HHATL: variants seen among roughly 807,000 people sequenced by gnomAD.
HHATL encodes the protein hedgehog acyltransferase like.
HHATL carries 49 observed loss-of-function variants against 59.7 expected under a neutral mutation model. That is an observed-to-expected ratio of 0.82 (90% confidence interval 0.65 to 1.04). HHATL has a LOEUF of 1.04. Among genes scored for constraint, HHATL ranks in the 50% least tolerant of loss-of-function variants. HHATL has a pLI of 0.00. For synonymous variants in HHATL, 238 were observed against 257.3 expected, an observed-to-expected ratio of 0.93 and a Z score of 0.72; for missense variants, 605 against 650.8, an observed-to-expected ratio of 0.93 and a Z score of 0.77.
At chr3:42,698,633 G>A (rs1697763792) in intron 5 of HHATL, 75 bp downstream of exon 5, 2 of 1,467,916 alleles carry the variant, frequency 1.4e-6, no homozygotes, top group Admixed American at 2.3e-5. Context: ...GGATACTTGG[G>A]GTGCAAGGAC....
Position 42,700,624 on chromosome 3 carries a change from G to A in HHATL, c.106+97C>T, listed in dbSNP as rs1697922461. The stretch of plus-strand genomic sequence containing the variant: ...CCGTGTTCTAGAAGGAGTACCCTAG[G>A]TCTGGAGCCTGTAACTTTCTGGCTT... On this transcript the variant is annotated intron_variant, in intron 2 of 11. Transcript: ENST00000441594. 95 of 737,604 alleles carry A rather than the reference G, an allele frequency of 1.3e-4. 2 individuals are homozygous for A. The South Asian group carries it at 1.6e-3, about 12-fold the overall frequency. The allele number at this position is 737,604 out of a possible 1,614,324, so 45.7% of individuals were successfully genotyped here.
rs138298339 is a variant in HHATL at position 42,700,876 on chromosome 3, C to T, written c.-13-37G>A. ...GGTTGGGTGAGGGAATTACAGTCTC[C>T]AGCCAAGCCTAGCCCCACCTCATGG... On this transcript the variant is annotated intron_variant, in intron 1 of 11. Transcript: ENST00000441594. The T allele has an allele frequency of 5.8e-4, 843 of 1,447,620 alleles. 12 individuals carry two copies. In the East Asian group the frequency reaches 0.016, roughly 27 times the overall value. The allele number at this position is 1,447,620 out of a possible 1,614,324, so 89.7% of individuals were successfully genotyped here.
At chr3:42,700,577 C>A in intron 2 of HHATL, 144 bp downstream of exon 2, 8 of 603,040 alleles carry the variant, frequency 1.3e-5, no homozygotes, top group Non-Finnish European at 2.1e-5. Flanking sequence ...ATGGGAACCC[C>A]GGGCTGAAAA....
chr3:42,697,552 G>A lies in HHATL; in HGVS notation c.821C>T (p.Pro274Leu). The A allele has an allele frequency of 1.2e-6, 2 of 1,614,090 alleles. No individual in the cohort carries two copies. The highest frequency in any genetic ancestry group is 1.7e-6 in the Non-Finnish European group (2 of 1,179,960). ...GCGGTTGGCGAACTTGAGGTCGCTGGGGATAGTGAGGATGTAGAAGAAGTG... is the reference window on the plus strand; with the variant it reads ...GCGGTTGGCGAACTTGAGGTCGCTGAGGATAGTGAGGATGTAGAAGAAGTG... ...FFHFFYILTI[P>L]SDLKFANRLP... Residue 274 changes from proline to leucine, a missense_variant, in exon 7 of 12, where the codon CCC (proline) becomes CTC (leucine). By Grantham distance (98) the Pro-to-Leu change is moderately conservative. Transcript: ENST00000441594.
chr3:42,693,294 C>T, intron 10 of HHATL, 76 bp from the exon 11 acceptor site: 1 of 1,564,594 alleles, frequency 6.4e-7, no homozygotes, highest in African/African-American at 1.3e-5. Context: ...AGCAGCCTTA[C>T]CCACCTGGCC....
intron 9 of HHATL, chr3:42,694,170 CCCT>C (rs954798940): frequency 3.5e-6 from 1 of 284,908 alleles, no homozygotes; most frequent in African/African-American, 2.2e-5. Flanking sequence ...TGACAGATTC[CCCT>C]ATCCCTGCTC....
At chr3:42,699,195 G>A (rs1307774997) in intron 3 of HHATL, 50 bp from the exon 4 acceptor site, 2 of 1,351,976 alleles carry the variant, frequency 1.5e-6, no homozygotes, top group African/African-American at 1.4e-5. Context: ...GGTGGGAGAG[G>A]GGACAGGACG....
intron 7 of HHATL, 100 bp from the exon 8 acceptor site, chr3:42,697,245 G>T (rs1697667050): frequency 7.0e-7 from 1 of 1,424,240 alleles, no homozygotes; most frequent in Middle Eastern, 2.6e-4. Context: ...ACCAGGCTCT[G>T]CCCGCCCCAC....
intron 9 of HHATL, among the ~76,000 whole-genome samples, chr3:42,695,213 C>T (rs545379589): frequency 6.6e-6 from 1 of 152,312 alleles, no homozygotes; most frequent in East Asian, 1.9e-4. Context: ...CATTCTTTGC[C>T]CAACTCCTCT....
intron 6 of HHATL, 43 bp from the exon 7 acceptor site, chr3:42,697,722 C>G (rs1697698813): frequency 6.3e-7 from 1 of 1,584,646 alleles, no homozygotes; most frequent in Non-Finnish European, 8.6e-7. Context: ...CAAGCCCTGC[C>G]TGGGGAGCCC....
At position 42,701,199 on chromosome 3, in the gene HHATL, G is replaced by A. The variant is rs539915814; in HGVS notation, c.-13-360C>T. On this transcript the variant is annotated intron_variant, in intron 1 of 11. Coordinates refer to ENST00000441594, the MANE Select transcript of HHATL (RefSeq NM_020707.4). The surrounding 1 kb of genome is among the most constrained non-coding windows in gnomAD (Gnocchi z 5.1). Reference sequence around the variant, plus strand: ...GCCAAGGCCCCCATGACCTGCGTGCGGAGAAACCCCACCTCTATCACTACA... The same window carrying A: ...GCCAAGGCCCCCATGACCTGCGTGCAGAGAAACCCCACCTCTATCACTACA... 56 of 228,702 alleles carry A rather than the reference G, an allele frequency of 2.4e-4. 2 individuals carry two copies. The South Asian group carries it at 4.8e-3, about 20-fold the overall frequency. 14.2% of individuals were successfully genotyped at this position (228,702 alleles called of 1,614,324 possible). A position where few individuals can be genotyped will look rare whatever the true frequency, so the allele number is the denominator to read the frequency against.
In HHATL at chr3:42,701,573, T is replaced by TGTGGGGCCAGGCGGGGCCAG; in HGVS notation, c.-13-754_-13-735dup. The TGTGGGGCCAGGCGGGGCCAG allele has an allele frequency of 6.6e-6, 1 of 150,728 alleles. No homozygotes were observed. Among genetic ancestry groups the TGTGGGGCCAGGCGGGGCCAG allele is most frequent in the Non-Finnish European group, 1.5e-5 (1 of 68,340 alleles). 9.3% of individuals were successfully genotyped at this position (150,728 alleles called of 1,614,324 possible). A position where few individuals can be genotyped will look rare whatever the true frequency, so the allele number is the denominator to read the frequency against. The stretch of plus-strand genomic sequence containing the variant: ...TGAGGAGGTGCCCAGGAGTAGCGGA[T>TGTGGGGCCAGGCGGGGCCAG]GTGGGGCCAGGCGGGGCCAGGCGGG... On this transcript the variant is annotated intron_variant, in intron 1 of 11. Transcript: ENST00000441594. The surrounding 1 kb of genome is among the most constrained non-coding windows in gnomAD (Gnocchi z 5.1).
chr3:42,700,654 G>A, intron 2 of HHATL, 67 bp downstream of exon 2: 3 of 1,071,504 alleles, frequency 2.8e-6, no homozygotes, highest in Non-Finnish European at 4.2e-6. Flanking sequence ...TGGCTTTGCT[G>A]GTTGGAACCC....
chr3:42,698,604 A>C, intron 5 of HHATL, 104 bp downstream of exon 5: 1 of 1,354,172 alleles, frequency 7.4e-7, no homozygotes, highest in Non-Finnish European at 1.0e-6. Flanking sequence ...GACAGGTGGA[A>C]AGTGAAGGGA....
chr3:42,698,472 A>G (rs986031376), intron 5 of HHATL, 121 bp from the exon 6 acceptor site: 5 of 1,037,148 alleles, frequency 4.8e-6, no homozygotes, highest in Non-Finnish European at 7.0e-6. Flanking sequence ...CCTCTCTTCC[A>G]GAGCCAGTTA....
At position 42,693,190 on chromosome 3, in the gene HHATL, C is replaced by G; in HGVS notation, c.1277G>C (p.Arg426Thr). The change falls in exon 11 of 12, where the codon AGG (arginine) becomes ACG (threonine). Residue 426 changes from arginine to threonine, a missense_variant. Physicochemically the swap from Arg to Thr is moderately conservative, Grantham distance 71 (BLOSUM62 -1). Coordinates refer to ENST00000441594, the MANE Select transcript of HHATL (RefSeq NM_020707.4). Reference sequence around the variant, plus strand: ...CATGGCTCCAAACAGGGCCCGGACCCTACGGGACATCTGCACTGACAGAGA... The same window carrying G: ...CATGGCTCCAAACAGGGCCCGGACCGTACGGGACATCTGCACTGACAGAGA... The part of the protein sequence containing the change: ...EASLSVQMSR[R>T]VRALFGAMNF... 1 of 1,614,164 alleles carries G rather than the reference C, an allele frequency of 6.2e-7. No individual in the cohort carries two copies. The highest frequency in any genetic ancestry group is 8.5e-7 in the Non-Finnish European group (1 of 1,180,018).
At chr3:42,695,621 G>A (rs1697575895) in intron 9 of HHATL, among the ~76,000 whole-genome samples, 1 of 152,190 alleles carries the variant, frequency 6.6e-6, no homozygotes, top group Non-Finnish European at 1.5e-5. Context: ...AGGCTGGGTT[G>A]TGGGGGTAAG....
rs376144339 is a variant in HHATL at position 42,698,876 on chromosome 3, G to A, written c.315C>T (p.Tyr105=). The A allele has an allele frequency of 4.5e-5, 73 of 1,610,120 alleles. No individual in the cohort carries two copies. Among genetic ancestry groups the A allele is most frequent in the East Asian group, 6.7e-5 (3 of 44,890 alleles). Residue 105 remains tyrosine, a synonymous_variant, in exon 5 of 12, where the codon TAC becomes TAT. Transcript: ENST00000441594. The stretch of plus-strand genomic sequence containing the variant: ...TTGTGCCCATCACAGCCAAGGCCCC[G>A]TACACAGCATACATCCAGGAGCGGA... The part of the protein sequence containing the change: ...PKLRSWMYAV[Y]GALAVMGTMG...
rs1227051228 is a variant in HHATL, at chr3:42,698,903, C to G, written c.289-1G>C. 1 of 1,605,180 alleles carries G rather than the reference C, an allele frequency of 6.2e-7. No homozygotes were observed. The highest frequency in any genetic ancestry group is 8.5e-7 in the Non-Finnish European group (1 of 1,175,050). On this transcript the variant is annotated splice_acceptor_variant, in intron 4 of 11. Coordinates refer to ENST00000441594, the MANE Select transcript of HHATL (RefSeq NM_020707.4). LOFTEE classifies it high-confidence loss of function. ...ACACAGCATACATCCAGGAGCGGAGCTGTGGGCAGGGAGAAGGCTTCAGTT... is the reference window on the plus strand; with the variant it reads ...ACACAGCATACATCCAGGAGCGGAGGTGTGGGCAGGGAGAAGGCTTCAGTT...
Sources: gnomAD v4.1 joint callset for allele counts (sites outside exome capture counted in the v4.1 genomes callset) on GRCh38, gnomAD v4.1.1 for gene constraint, Gnocchi (gnomAD v3.1) non-coding constraint, MANE v1.5 for transcripts, NCBI Gene and HGNC (gene_info 2026-07-23, HGNC 2026-07-21) for gene names.